ARHGAP15: variants seen among roughly 807,000 people sequenced by gnomAD.
ARHGAP15 encodes Rho GTPase activating protein 15.
ARHGAP15 carries 51 observed loss-of-function variants against 63.7 expected under a neutral mutation model. That is an observed-to-expected ratio of 0.80 (90% CI 0.64 to 1.01). The LOEUF (loss-of-function observed/expected upper bound fraction) is 1.01. Among genes scored for constraint, ARHGAP15 ranks in the 50% least tolerant of loss-of-function variants. ARHGAP15 has a pLI of 0.00. For synonymous variants in ARHGAP15, 191 were observed against 193.8 expected, an observed-to-expected ratio of 0.99 and a Z score of 0.12; for missense variants, 560 against 564.6, an observed-to-expected ratio of 0.99 and a Z score of 0.08.
intron 4 of ARHGAP15, among the ~76,000 whole-genome samples, chr2:143,223,105 T>C (rs1381286738): frequency 1.3e-5 from 2 of 152,032 alleles, no homozygotes; most frequent in African/African-American, 4.8e-5. Flanking sequence ...GCCTCCCAAG[T>C]AGCTGGGATT....
At chr2:143,657,129 G>C (rs1681488128) in intron 12 of ARHGAP15, among the ~76,000 whole-genome samples, 1 of 152,176 alleles carries the variant, frequency 6.6e-6, no homozygotes, top group Non-Finnish European at 1.5e-5. Flanking sequence ...GGCAGATCGT[G>C]AGGTCAGGAG....
chr2:143,653,623 T>C (rs543143588), intron 12 of ARHGAP15, among the ~76,000 whole-genome samples: 2 of 152,210 alleles, frequency 1.3e-5, no homozygotes, highest in East Asian at 3.9e-4. Context: ...AGAATACAAA[T>C]ATTTAAGGAA....
At chr2:143,559,939 T>C (rs1384767817) in intron 11 of ARHGAP15, among the ~76,000 whole-genome samples, 1 of 152,264 alleles carries the variant, frequency 6.6e-6, no homozygotes, top group African/African-American at 2.4e-5. Flanking sequence ...TTGCACATGT[T>C]TATTTTCTAG....
At chr2:143,185,114 A>C in intron 2 of ARHGAP15, among the ~76,000 whole-genome samples, 1 of 152,184 alleles carries the variant, frequency 6.6e-6, no homozygotes, top group Non-Finnish European at 1.5e-5. Flanking sequence ...AATGAGTTTA[A>C]TATATGTAAA....
At chr2:143,658,615 A>G (rs549613204) in intron 12 of ARHGAP15, among the ~76,000 whole-genome samples, 1 of 152,294 alleles carries the variant, frequency 6.6e-6, no homozygotes, top group South Asian at 2.1e-4. Flanking sequence ...GGATTCAAAG[A>G]TGGAGATCAC....
At chr2:143,459,450 G>T (rs1690821771) in intron 8 of ARHGAP15, among the ~76,000 whole-genome samples, 1 of 151,896 alleles carries the variant, frequency 6.6e-6, no homozygotes, top group Non-Finnish European at 1.5e-5. Context: ...TAAGAAAGTG[G>T]CATATTAATA....
chr2:143,266,532 AATGATATGTATCT>A lies in ARHGAP15; in HGVS notation c.474+15942_474+15954del, dbSNP rs770620029. Reference sequence around the variant, plus strand: ...GCTTTTACAAAAGATACAATTTGGAAATGATATGTATCTATGATATGTTTCTTATTTTGTTCAC... The same window carrying A: ...GCTTTTACAAAAGATACAATTTGGAAATGATATGTTTCTTATTTTGTTCAC... On this transcript the variant is annotated intron_variant, in intron 6 of 13. Transcript: ENST00000295095. Among the ~76,000 whole-genome samples, 16 of 152,306 alleles carry A rather than the reference AATGATATGTATCT, an allele frequency of 1.1e-4. 1 individual carries two copies. The South Asian group carries it at 1.9e-3, about 18-fold the overall frequency.
At chr2:143,429,309 G>A (rs983699300) in intron 6 of ARHGAP15, among the ~76,000 whole-genome samples, 4 of 151,404 alleles carry the variant, frequency 2.6e-5, no homozygotes, top group African/African-American at 7.3e-5. Context: ...AGTAATATGG[G>A]GTGTGAATGT....
chr2:143,299,255 A>T (rs963568986), intron 6 of ARHGAP15, among the ~76,000 whole-genome samples: 2 of 152,018 alleles, frequency 1.3e-5, no homozygotes, highest in Admixed American at 6.6e-5. Flanking sequence ...AAAATGCTTT[A>T]TGTAAGTCTA....
chr2:143,765,313 A>T (rs1686912874), intron 13 of ARHGAP15, among the ~76,000 whole-genome samples: 1 of 152,174 alleles, frequency 6.6e-6, no homozygotes, highest in Non-Finnish European at 1.5e-5. Context: ...GGCATGTTAA[A>T]GAGAAGCAAA....
intron 6 of ARHGAP15, among the ~76,000 whole-genome samples, chr2:143,259,809 G>A (rs1373023353): frequency 6.6e-6 from 1 of 152,070 alleles, no homozygotes; most frequent in Non-Finnish European, 1.5e-5. Flanking sequence ...ATTTTACATG[G>A]CTTATCTAAA....
At chr2:143,455,809 G>C (rs565085401) in intron 8 of ARHGAP15, among the ~76,000 whole-genome samples, 1 of 152,140 alleles carries the variant, frequency 6.6e-6, no homozygotes, top group African/African-American at 2.4e-5. Flanking sequence ...GTCCACCAAA[G>C]TGTTTAAAAG....
chr2:143,251,571 A>G (rs1680160375), intron 6 of ARHGAP15, among the ~76,000 whole-genome samples: 3 of 152,084 alleles, frequency 2.0e-5, no homozygotes, highest in Admixed American at 2.0e-4. Context: ...GTATATCCAA[A>G]TAATTTGGGT....
chr2:143,300,894 A>AC (rs1208098529), intron 6 of ARHGAP15, among the ~76,000 whole-genome samples: 1 of 152,068 alleles, frequency 6.6e-6, no homozygotes, highest in East Asian at 1.9e-4. Flanking sequence ...GAACTACCAA[A>AC]CCAACAAGTT....
chr2:143,464,912 C>T (rs907164573), intron 8 of ARHGAP15, among the ~76,000 whole-genome samples: 31 of 151,962 alleles, frequency 2.0e-4, no homozygotes, highest in African/African-American at 7.0e-4. Context: ...AAGGCAATTA[C>T]GTCGTTTTTC....
intron 10 of ARHGAP15, among the ~76,000 whole-genome samples, chr2:143,546,657 T>C (rs1207134231): frequency 6.6e-6 from 1 of 151,984 alleles, no homozygotes; most frequent in Non-Finnish European, 1.5e-5. Context: ...ATTAGATTCA[T>C]TGTTCTTGTT....
intron 5 of ARHGAP15, among the ~76,000 whole-genome samples, chr2:143,233,141 T>C (rs2104923593): frequency 6.6e-6 from 1 of 152,322 alleles, no homozygotes; most frequent in African/African-American, 2.4e-5. Flanking sequence ...TATTCTCTTT[T>C]ATGGAGTCAA....
intron 3 of ARHGAP15, among the ~76,000 whole-genome samples, chr2:143,212,922 C>G (rs1022911661): frequency 2.6e-5 from 4 of 152,028 alleles, no homozygotes; most frequent in African/African-American, 7.2e-5. Context: ...AGCATGAGAC[C>G]CTTTACAATG....
chr2:143,264,752 A>G (rs1680905818), intron 6 of ARHGAP15, among the ~76,000 whole-genome samples: 1 of 152,172 alleles, frequency 6.6e-6, no homozygotes, highest in South Asian at 2.1e-4. Context: ...ATGTCTACAA[A>G]TACAGTAGTT....
Sources: gnomAD v4.1 joint callset for allele counts (sites outside exome capture counted in the v4.1 genomes callset) on GRCh38, gnomAD v4.1.1 for gene constraint, MANE v1.5 for transcripts, NCBI Gene and HGNC (gene_info 2026-07-23, HGNC 2026-07-21) for gene names.